BLNK: variants seen among roughly 807,000 people sequenced by gnomAD.
BLNK encodes the protein B cell linker, also known as B-cell linker protein.
Under a neutral mutation model 73.5 loss-of-function variants are expected in BLNK, and 29 were observed. The ratio of observed to expected loss-of-function variants is 0.39; its 90% CI spans 0.29 to 0.54. The LOEUF is 0.54. Among genes scored for constraint, BLNK ranks in the 20% least tolerant of loss-of-function variants. The probability of loss-of-function intolerance (pLI) is 0.61; values close to 1 mark genes in which losing one functional copy is unlikely to be tolerated. For synonymous variants in BLNK, 176 were observed against 200.8 expected (o/e 0.88, Z 1.04); for missense variants, 460 against 562.8 (o/e 0.82, Z 1.85).
At chr10:96,199,365 G>T in intron 15 of BLNK, 8 of 265,296 alleles carry the variant, frequency 3.0e-5, no homozygotes, top group Middle Eastern at 4.4e-4. Flanking sequence ...TTTTTTGTTT[G>T]TTTGTTTGTT....
rs2083292165 is a variant in BLNK at position 96,189,186 on chromosome 10, A to C, written c.*2787T>G. On this transcript the variant is annotated 3_prime_UTR_variant, in exon 17 of 17. Transcript: ENST00000224337. Reference sequence around the variant, plus strand: ...AAGCAAAGGGTGAAGTTCCATCTTTAATAATGAAACAGGCATTTTGGACAA... The same window carrying C: ...AAGCAAAGGGTGAAGTTCCATCTTTCATAATGAAACAGGCATTTTGGACAA... Among the ~76,000 whole-genome samples the C allele has an allele frequency of 6.6e-6, 1 of 152,256 alleles. No individual in the cohort carries two copies. Among genetic ancestry groups the C allele is most frequent in the South Asian group, 2.1e-4 (1 of 4,834 alleles).
chr10:96,231,593 G>T (rs1030033863), intron 3 of BLNK, among the ~76,000 whole-genome samples: 7 of 152,020 alleles, frequency 4.6e-5, no homozygotes, highest in Non-Finnish European at 4.4e-5. Flanking sequence ...TGGGTGTGGT[G>T]GTCCATATCT....
chr10:96,238,869 A>C (rs58118836), intron 3 of BLNK: 9,273 of 347,884 alleles, frequency 0.027, 569 homozygotes, highest in African/African-American at 0.15. Flanking sequence ...CAGTTCAGGA[A>C]AGGCAATAGG....
intron 16 of BLNK, among the ~76,000 whole-genome samples, chr10:96,196,413 A>G (rs1554894684): frequency 6.6e-6 from 1 of 152,168 alleles, no homozygotes; most frequent in Non-Finnish European, 1.5e-5. Context: ...TTTAAGACCC[A>G]TGTGATTTTT....
chr10:96,214,261 A>T (rs138259448), intron 8 of BLNK, among the ~76,000 whole-genome samples: 1 of 152,120 alleles, frequency 6.6e-6, no homozygotes, highest in East Asian at 1.9e-4. Flanking sequence ...TGTGCTGTTA[A>T]TGGGGGTCAT....
intron 1 of BLNK, among the ~76,000 whole-genome samples, chr10:96,259,633 G>A (rs782802791): frequency 2.0e-4 from 25 of 122,578 alleles, no homozygotes; most frequent in Non-Finnish European, 2.3e-4. Flanking sequence ...ACCGTATAAA[G>A]TAATTTATAA....
chr10:96,199,615 T>C lies in BLNK; in HGVS notation c.1095+460A>G, dbSNP rs191353369. On this transcript the variant is annotated intron_variant, in intron 15 of 16. Coordinates refer to ENST00000224337, the MANE Select transcript of BLNK (RefSeq NM_013314.4). ...GGGATAGCAGTTTCTCTTGAGTAAG[T>C]AAAGGAAAAAGATCCTTGTATCTAC... The C allele has an allele frequency of 5.0e-4, 219 of 435,996 alleles. 1 individual carries two copies. Among genetic ancestry groups the C allele is most frequent in the Non-Finnish European group, 9.0e-4 (195 of 217,052 alleles). The allele number at this position is 435,996 out of a possible 1,614,324, so 27.0% of individuals were successfully genotyped here.
At chr10:96,248,376 T>C (rs533563867) in intron 1 of BLNK, among the ~76,000 whole-genome samples, 1 of 152,230 alleles carries the variant, frequency 6.6e-6, no homozygotes, top group South Asian at 2.1e-4. Context: ...ATACAAGTGG[T>C]CAATAGACCA....
intron 11 of BLNK, 75 bp from the exon 12 acceptor site, chr10:96,204,691 T>A (rs2083749585): frequency 7.2e-7 from 1 of 1,388,414 alleles, no homozygotes; most frequent in African/African-American, 1.4e-5. Context: ...CAACATCAGC[T>A]GAGAAGAACC....
chr10:96,201,539 G>A (rs1283245042), intron 13 of BLNK, among the ~76,000 whole-genome samples: 1 of 152,108 alleles, frequency 6.6e-6, no homozygotes, highest in African/African-American at 2.4e-5. Flanking sequence ...TGTTTTAAAT[G>A]TCTCAGTTTT....
intron 6 of BLNK, among the ~76,000 whole-genome samples, chr10:96,217,794 C>T (rs913234965): frequency 1.3e-4 from 20 of 152,070 alleles, no homozygotes; most frequent in African/African-American, 3.9e-4. Context: ...TGGCACAAAA[C>T]GTTTAAATTT....
intron 3 of BLNK, among the ~76,000 whole-genome samples, chr10:96,236,342 TGTG>T (rs1212049564): frequency 1.3e-5 from 2 of 151,836 alleles, no homozygotes; most frequent in East Asian, 1.9e-4. Context: ...GTGGGCCAGT[TGTG>T]GTGGTGGGGA....
intron 16 of BLNK, among the ~76,000 whole-genome samples, chr10:96,195,667 CTG>C (rs587703829): frequency 1.1e-3 from 165 of 152,238 alleles, no homozygotes; most frequent in Non-Finnish European, 1.7e-3. Context: ...AAAAGGGAAA[CTG>C]TTGTTCAGTG....
intron 8 of BLNK, among the ~76,000 whole-genome samples, chr10:96,215,001 T>C (rs79049066): frequency 0.017 from 2,604 of 152,174 alleles, 39 homozygotes; most frequent in African/African-American, 0.037. Flanking sequence ...GTAACCATCA[T>C]GATGTTCTGA....
chr10:96,235,648 G>C (rs1842663391), intron 3 of BLNK, among the ~76,000 whole-genome samples: 1 of 152,206 alleles, frequency 6.6e-6, no homozygotes. Flanking sequence ...TTCAGAGAAA[G>C]GTGTGCCCAG....
At chr10:96,202,744 C>T (rs1225686516) in intron 13 of BLNK, among the ~76,000 whole-genome samples, 2 of 152,176 alleles carry the variant, frequency 1.3e-5, no homozygotes, top group Non-Finnish European at 2.9e-5. Context: ...TCCCTAGGTG[C>T]ACAGTGCAGG....
At chr10:96,209,253 T>C (rs2083892634) in intron 9 of BLNK, among the ~76,000 whole-genome samples, 1 of 152,166 alleles carries the variant, frequency 6.6e-6, no homozygotes, top group South Asian at 2.1e-4. Flanking sequence ...CAAAACCTGC[T>C]AGAGGCTCTG....
chr10:96,235,293 A>G (rs1842653823), intron 3 of BLNK, among the ~76,000 whole-genome samples: 1 of 152,234 alleles, frequency 6.6e-6, no homozygotes, highest in Non-Finnish European at 1.5e-5. Context: ...TCTGACATAG[A>G]GTAAAGGGCT....
chr10:96,189,639 T>G lies in BLNK; in HGVS notation c.*2334A>C, dbSNP rs2083297757. The G allele has an allele frequency of 1.4e-6, 1 of 711,426 alleles. No individual in the cohort carries two copies. 44.1% of individuals were successfully genotyped at this position (711,426 alleles called of 1,614,324 possible). A position where few individuals can be genotyped will look rare whatever the true frequency, so the allele number is the denominator to read the frequency against. ...ATTCTGATTTGACTTTTGTGCATTTTTGGCTGGAGTATGTAGATTTCTTCA... is the reference window on the plus strand; with the variant it reads ...ATTCTGATTTGACTTTTGTGCATTTGTGGCTGGAGTATGTAGATTTCTTCA... On this transcript the variant is annotated 3_prime_UTR_variant, in exon 17 of 17. Transcript: ENST00000224337.
Sources: allele counts gnomAD v4.1 joint callset (sites outside exome capture counted in the v4.1 genomes callset), GRCh38; gene constraint gnomAD v4.1.1; transcripts MANE v1.5; gene names NCBI Gene and HGNC (gene_info 2026-07-23, HGNC 2026-07-21).